SLC38A9: variants seen among roughly 807,000 people sequenced by gnomAD.
SLC38A9 encodes solute carrier family 38 member 9.
In SLC38A9, 48 loss-of-function variants were observed where a neutral mutation model predicts 62.3. The observed-to-expected ratio is 0.77, with a 90% CI of 0.61 to 0.98. The LOEUF (loss-of-function observed/expected upper bound fraction) is 0.98. Ranked by LOEUF, SLC38A9 falls within the 50% of genes least tolerant of loss-of-function variation. The pLI is 0.00. For synonymous variants in SLC38A9, 204 were observed against 227.7 expected, an observed-to-expected ratio of 0.90 and a Z score of 0.94; for missense variants, 541 against 679.8, an observed-to-expected ratio of 0.80 and a Z score of 2.27.
chr5:55,667,238 C>A (rs1315135152), intron 7 of SLC38A9, among the ~76,000 whole-genome samples: 7 of 128,972 alleles, frequency 5.4e-5, no homozygotes, highest in Non-Finnish European at 1.0e-4. Context: ...GTTTTTTTTG[C>A]TGCATTTGAC....
rs779880090 is a variant in SLC38A9 at position 55,645,945 on chromosome 5, A to G, written c.1061-50T>C. On this transcript the variant is annotated intron_variant, in intron 11 of 15. Transcript: ENST00000396865. ...CATTAAAACTGACAATTAGAAAATG[A>G]GTATTGGTAGCCAAAAGTTGACTAC... 4.0e-6 allele frequency: 5 copies of G among 1,240,982 alleles called. No homozygotes were observed. In the South Asian group the frequency reaches 6.6e-5, roughly 16 times the overall value. The allele number at this position is 1,240,982 out of a possible 1,614,324, so 76.9% of individuals were successfully genotyped here.
At chr5:55,650,390 C>T (rs1010774147) in intron 10 of SLC38A9, among the ~76,000 whole-genome samples, 1 of 152,016 alleles carries the variant, frequency 6.6e-6, no homozygotes, top group Non-Finnish European at 1.5e-5. Context: ...GGGAAAGTAC[C>T]AAGGAAAAGA....
chr5:55,633,544 C>G (rs1743874976), intron 14 of SLC38A9: 2 of 550,834 alleles, frequency 3.6e-6, no homozygotes, highest in Admixed American at 3.3e-5. Context: ...ATTAACTATA[C>G]TGGAAGGAAT....
At chr5:55,656,903 C>T (rs1748546728) in intron 8 of SLC38A9, 129 bp from the exon 9 acceptor site, 1 of 419,510 alleles carries the variant, frequency 2.4e-6, no homozygotes, top group Non-Finnish European at 4.1e-6. Context: ...CTCTGTTGCC[C>T]AGGCTAGAGT....
intron 3 of SLC38A9, among the ~76,000 whole-genome samples, chr5:55,677,494 C>T (rs1752267524): frequency 6.6e-6 from 1 of 152,110 alleles, no homozygotes; most frequent in Non-Finnish European, 1.5e-5. Context: ...ACCAGCTAGG[C>T]AGCTCCTTCA....
intron 9 of SLC38A9, 110 bp downstream of exon 9, chr5:55,656,602 CATA>C: frequency 2.8e-6 from 2 of 725,496 alleles, no homozygotes; most frequent in Non-Finnish European, 4.8e-6. Flanking sequence ...GCTCAGTAAA[CATA>C]ATAATTTTCT....
At chr5:55,673,709 CTTTTTTT>C (rs201596512) in intron 3 of SLC38A9, among the ~76,000 whole-genome samples, 8 of 127,594 alleles carry the variant, frequency 6.3e-5, no homozygotes, top group Non-Finnish European at 6.8e-5. Flanking sequence ...TTAATCTAAT[CTTTTTTT>C]TTTTTTTTTT....
chr5:55,670,041 T>G (rs538198990), intron 4 of SLC38A9, among the ~76,000 whole-genome samples, 162 bp from the exon 5 acceptor site: 1 of 152,120 alleles, frequency 6.6e-6, no homozygotes, highest in East Asian at 1.9e-4. Context: ...CTCGGCTCAC[T>G]GCAAGCGCCG....
chr5:55,641,463 A>G (rs1745436476), intron 12 of SLC38A9, among the ~76,000 whole-genome samples: 1 of 152,214 alleles, frequency 6.6e-6, no homozygotes, highest in South Asian at 2.1e-4. Context: ...CCACTTTCTG[A>G]ATGCACGTTG....
At chr5:55,687,098 A>C (rs1753983089) in intron 3 of SLC38A9, among the ~76,000 whole-genome samples, 1 of 137,374 alleles carries the variant, frequency 7.3e-6, no homozygotes, top group Non-Finnish European at 1.5e-5. Context: ...TTTGCTTAAG[A>C]TTGCCTTGGC....
intron 3 of SLC38A9, among the ~76,000 whole-genome samples, chr5:55,674,482 G>T (rs1255946582): frequency 1.3e-5 from 2 of 152,102 alleles, no homozygotes; most frequent in Admixed American, 6.6e-5. Context: ...CCTGGTAAAA[G>T]AATGAGTTCA....
intron 2 of SLC38A9, among the ~76,000 whole-genome samples, chr5:55,700,107 G>A (rs1019001548): frequency 3.5e-4 from 9 of 25,402 alleles, no homozygotes; most frequent in Middle Eastern, 0.042. Flanking sequence ...TGCGGGGGTC[G>A]AGGTGGGCAG....
At chr5:55,710,071 A>C (rs1238821076) in intron 2 of SLC38A9, among the ~76,000 whole-genome samples, 1 of 104,212 alleles carries the variant, frequency 9.6e-6, no homozygotes, top group African/African-American at 3.2e-5. Flanking sequence ...CCATCTCAAA[A>C]AAAAAAAAAA....
chr5:55,698,214 T>A (rs555525878), intron 2 of SLC38A9, among the ~76,000 whole-genome samples: 1 of 152,168 alleles, frequency 6.6e-6, no homozygotes, highest in South Asian at 2.1e-4. Context: ...TCATTTTCAG[T>A]AATAAAACAG....
intron 7 of SLC38A9, among the ~76,000 whole-genome samples, chr5:55,665,685 T>C (rs1313399468): frequency 2.0e-5 from 3 of 151,930 alleles, no homozygotes; most frequent in African/African-American, 7.2e-5. Context: ...CAAACAGGGC[T>C]GGGCATGGTG....
chr5:55,688,411 A>G (rs13159472), intron 3 of SLC38A9, among the ~76,000 whole-genome samples: 82,378 of 136,354 alleles, frequency 0.6, 25,387 homozygotes, highest in South Asian at 0.7. Context: ...AGACAGTCTC[A>G]CTCTGTTGCC....
chr5:55,646,931 A>AT (rs1187280002), intron 11 of SLC38A9, among the ~76,000 whole-genome samples: 2 of 151,962 alleles, frequency 1.3e-5, no homozygotes, highest in Middle Eastern at 3.2e-3. Context: ...TAAAAGAATT[A>AT]TTTTTTTGTA....
In SLC38A9 at chr5:55,652,509, A is replaced by G; in HGVS notation, c.952+20T>C. 1 of 1,508,500 alleles carries G rather than the reference A, an allele frequency of 6.6e-7. No homozygotes were observed. Among genetic ancestry groups the G allele is most frequent in the Non-Finnish European group, 9.0e-7 (1 of 1,110,928 alleles). 93.4% of individuals were successfully genotyped at this position (1,508,500 alleles called of 1,614,324 possible). On this transcript the variant is annotated intron_variant, in intron 10 of 15. Coordinates refer to ENST00000396865, the MANE Select transcript of SLC38A9 (RefSeq NM_173514.4). Reference sequence around the variant, plus strand: ...GTATTCTATTACACAAAGTCTCCATAATTCAGTGCTACTACTTACCTAGGA... The same window carrying G: ...GTATTCTATTACACAAAGTCTCCATGATTCAGTGCTACTACTTACCTAGGA...
chr5:55,642,986 C>T (rs186951496), intron 12 of SLC38A9, among the ~76,000 whole-genome samples: 56 of 152,312 alleles, frequency 3.7e-4, no homozygotes, highest in Non-Finnish European at 3.4e-4. Context: ...CAAATCCTTC[C>T]TTCTTTTGCA....
Sources: gnomAD v4.1 joint callset for allele counts (sites outside exome capture counted in the v4.1 genomes callset) on GRCh38, gnomAD v4.1.1 for gene constraint, MANE v1.5 for transcripts, NCBI Gene and HGNC (gene_info 2026-07-23, HGNC 2026-07-21) for gene names.